Variants in ABHD6 observed in about 807,000 individuals in gnomAD.
The protein encoded by ABHD6 is abhydrolase domain containing 6, acylglycerol lipase.
A neutral mutation model predicts 38.8 loss-of-function variants in ABHD6; 33 were observed. That is an observed-to-expected ratio of 0.85 (90% CI 0.64 to 1.14). The LOEUF is 1.14. Ranked by LOEUF, ABHD6 falls within the 50% of genes most tolerant of loss-of-function variation. ABHD6 has a pLI of 0.00. For missense variants in ABHD6, 380 were observed against 422.6 expected (o/e 0.90, Z 0.88); for synonymous variants, 147 against 161.6 (o/e 0.91, Z 0.69).
rs1322659828 is a variant in ABHD6 at position 58,294,699 on chromosome 3, T to C, written c.*934T>C. On this transcript the variant is annotated 3_prime_UTR_variant, in exon 10 of 10. Transcript: ENST00000478253. ...TAAACAGCTGTAAAAGTGACCACAA[T>C]GACATGAAATAAATTTAATAAGTCT... 3 of 152,648 alleles carry C rather than the reference T, an allele frequency of 2.0e-5. No homozygotes were observed. Among genetic ancestry groups the C allele is most frequent in the Non-Finnish European group, 2.9e-5 (2 of 68,046 alleles). The allele number at this position is 152,648 out of a possible 1,614,324, so 9.5% of individuals were successfully genotyped here. A position where few individuals can be genotyped will look rare whatever the true frequency, so the allele number is the denominator to read the frequency against.
At chr3:58,240,225 T>G (rs984650487) in intron 1 of ABHD6, among the ~76,000 whole-genome samples, 1 of 152,050 alleles carries the variant, frequency 6.6e-6, no homozygotes, top group Admixed American at 6.6e-5. Flanking sequence ...TCAGCTTCAC[T>G]ATGTCATATT....
At chr3:58,284,219 T>G (rs1481604726) in intron 7 of ABHD6, among the ~76,000 whole-genome samples, 1 of 152,170 alleles carries the variant, frequency 6.6e-6, no homozygotes, top group African/African-American at 2.4e-5. Flanking sequence ...CCACATTGGC[T>G]GCAGCCCTCA....
At chr3:58,270,357 A>G (rs939940666) in intron 5 of ABHD6, among the ~76,000 whole-genome samples, 1 of 152,174 alleles carries the variant, frequency 6.6e-6, no homozygotes, top group Non-Finnish European at 1.5e-5. Flanking sequence ...TATTTAATAC[A>G]TATTACCTTT....
At chr3:58,284,126 C>A in intron 7 of ABHD6, among the ~76,000 whole-genome samples, 1 of 152,132 alleles carries the variant, frequency 6.6e-6, no homozygotes, top group East Asian at 1.9e-4. Context: ...AGTCCTGAGG[C>A]AGGAGGAAGA....
At chr3:58,289,661 C>T (rs2097460146) in intron 9 of ABHD6, among the ~76,000 whole-genome samples, 1 of 152,216 alleles carries the variant, frequency 6.6e-6, no homozygotes, top group African/African-American at 2.4e-5. Context: ...GGCAACCATC[C>T]GATTTCTCAA....
At position 58,267,896 on chromosome 3, in the gene ABHD6, A is replaced by G. The variant is rs2107451977; in HGVS notation, c.276+551A>G. Reference sequence around the variant, plus strand: ...GGAGTTTGAGACCAGCCTGGGCAACATAGGGAGACTCCGTCTCTACAAAAA... The same window carrying G: ...GGAGTTTGAGACCAGCCTGGGCAACGTAGGGAGACTCCGTCTCTACAAAAA... On this transcript the variant is annotated intron_variant, in intron 4 of 9. Coordinates refer to ENST00000478253, the MANE Select transcript of ABHD6 (RefSeq NM_001320126.2). This position sits in a 1 kb window ranked among gnomAD's most constrained non-coding sequence, Gnocchi z 4.3. 6.6e-6 allele frequency among the ~76,000 whole-genome samples: 1 copy of G among 152,180 alleles called. No individual in the cohort carries two copies. Among genetic ancestry groups the G allele is most frequent in the South Asian group, 2.1e-4 (1 of 4,814 alleles).
chr3:58,251,324 A>AG lies in ABHD6; in HGVS notation c.-26+1382_-26+1383insG, dbSNP rs2097429765. Among the ~76,000 whole-genome samples, 1 of 151,840 alleles carries AG rather than the reference A, an allele frequency of 6.6e-6. No homozygotes were observed. Among genetic ancestry groups the AG allele is most frequent in the African/African-American group, 2.4e-5 (1 of 41,286 alleles). ...AGAGCGAGACTCCATCTAAAAAAAA[A>AG]AAAGAAAGAAAAAAAGACAGAAATC... On this transcript the variant is annotated intron_variant, in intron 2 of 9. Transcript: ENST00000478253. This position sits in a 1 kb window ranked among gnomAD's most constrained non-coding sequence, Gnocchi z 5.4.
At chr3:58,260,468 C>T (rs569603070) in intron 3 of ABHD6, among the ~76,000 whole-genome samples, 1 of 152,218 alleles carries the variant, frequency 6.6e-6, no homozygotes, top group Non-Finnish European at 1.5e-5. Context: ...TTGCAGAGAG[C>T]TGTCAGCAAT....
chr3:58,248,280 A>G (rs940901842), intron 1 of ABHD6, among the ~76,000 whole-genome samples: 4 of 152,220 alleles, frequency 2.6e-5, no homozygotes, highest in African/African-American at 7.2e-5. Context: ...TTACTTAACT[A>G]TAAGTTCACT....
At position 58,256,597 on chromosome 3, in the gene ABHD6, A is replaced by G; in HGVS notation, c.11A>G (p.Asp4Gly). 5.6e-6 allele frequency: 9 copies of G among 1,613,840 alleles called. No individual in the cohort carries two copies. The highest frequency in any genetic ancestry group is 7.6e-6 in the Non-Finnish European group (9 of 1,179,864). The stretch of plus-strand genomic sequence containing the variant: ...GCCTGAAAGAGCAGGATGGATCTTG[A>G]TGTGGTTAACATGTTTGTGATTGCG... Reference protein sequence around the residue: MDLDVVNMFVIAGG... With the variant: MDLGVVNMFVIAGG... Residue 4 changes from aspartate to glycine, a missense_variant, in exon 3 of 10, where the codon GAT becomes GGT. By Grantham distance (94) the Asp-to-Gly change is moderately conservative. Transcript: ENST00000478253. The surrounding 1 kb of genome is among the most constrained non-coding windows in gnomAD (Gnocchi z 4.3).
intron 7 of ABHD6, among the ~76,000 whole-genome samples, chr3:58,283,854 A>G (rs1012180761): frequency 1.3e-5 from 2 of 152,224 alleles, no homozygotes; most frequent in African/African-American, 4.8e-5. Flanking sequence ...ATAGCTGAAC[A>G]AAGAAAATCT....
chr3:58,284,981 C>T, intron 7 of ABHD6, 104 bp from the exon 8 acceptor site: 1 of 1,032,832 alleles, frequency 9.7e-7, no homozygotes, highest in Non-Finnish European at 1.5e-6. Context: ...CTTGACAGTG[C>T]AATAAATTGC....
chr3:58,293,649 C>T lies in ABHD6; in HGVS notation c.898C>T (p.Leu300Phe). 6.2e-7 allele frequency: 1 copy of T among 1,614,206 alleles called. No homozygotes were observed. The highest frequency in any genetic ancestry group is 1.1e-5 in the South Asian group (1 of 91,086). Residue 300 changes from leucine to phenylalanine, a missense_variant, in exon 10 of 10, where the codon CTT becomes TTT. Coordinates refer to ENST00000478253, the MANE Select transcript of ABHD6 (RefSeq NM_001320126.2). This position sits in a 1 kb window ranked among gnomAD's most constrained non-coding sequence, Gnocchi z 4.4. The part of the protein sequence containing the change: ...AKSIANCQVE[L>F]LENCGHSVVM... ...GTCAATTGCCAACTGCCAGGTGGAG[C>T]TTCTGGAAAACTGTGGGCACTCAGT...
intron 1 of ABHD6, among the ~76,000 whole-genome samples, chr3:58,239,202 G>A (rs2097421179): frequency 6.6e-6 from 1 of 151,892 alleles, no homozygotes; most frequent in Admixed American, 6.6e-5. Flanking sequence ...TATAATATAG[G>A]AAATTAGAAA....
At chr3:58,289,441 C>T (rs1469027447) in intron 9 of ABHD6, among the ~76,000 whole-genome samples, 1 of 149,428 alleles carries the variant, frequency 6.7e-6, no homozygotes, top group African/African-American at 2.5e-5. Context: ...TGACTCTTAA[C>T]GAGCATGCTG....
intron 1 of ABHD6, among the ~76,000 whole-genome samples, chr3:58,243,935 G>A (rs973207172): frequency 5.9e-5 from 9 of 152,134 alleles, no homozygotes; most frequent in African/African-American, 2.2e-4. Flanking sequence ...GAGATTACAG[G>A]TGTGAGCCAC....
At position 58,285,560 on chromosome 3, in the gene ABHD6, C is replaced by A; in HGVS notation, c.837+107C>A. The stretch of plus-strand genomic sequence containing the variant: ...TATTTATGGAGTGAGCTGATCGCTG[C>A]TGTCAGGAAGAGGGGGAAGGCACCT... On this transcript the variant is annotated intron_variant, in intron 9 of 9. Coordinates refer to ENST00000478253, the MANE Select transcript of ABHD6 (RefSeq NM_001320126.2). This position sits in a 1 kb window ranked among gnomAD's most constrained non-coding sequence, Gnocchi z 4.9. The A allele has an allele frequency of 1.0e-6, 1 of 990,840 alleles. No homozygotes were observed. Among genetic ancestry groups the A allele is most frequent in the East Asian group, 2.5e-5 (1 of 40,752 alleles). 61.4% of individuals were successfully genotyped at this position (990,840 alleles called of 1,614,324 possible).
chr3:58,274,433 C>T (rs2271635), intron 6 of ABHD6, among the ~76,000 whole-genome samples: 33,187 of 152,116 alleles, frequency 0.22, 5,429 homozygotes, highest in East Asian at 0.78. Flanking sequence ...CCATGGACTA[C>T]AGTGTGAGTG....
At chr3:58,243,052 C>G (rs2107412618) in intron 1 of ABHD6, among the ~76,000 whole-genome samples, 1 of 152,286 alleles carries the variant, frequency 6.6e-6, no homozygotes, top group South Asian at 2.1e-4. Flanking sequence ...GACATGAACT[C>G]ATCCTTTTTT....
Sources: gnomAD v4.1 joint callset for allele counts (sites outside exome capture counted in the v4.1 genomes callset) on GRCh38, gnomAD v4.1.1 for gene constraint, Gnocchi (gnomAD v3.1) non-coding constraint, MANE v1.5 for transcripts, NCBI Gene and HGNC (gene_info 2026-07-23, HGNC 2026-07-21) for gene names.